ULK4: variants seen among roughly 807,000 people sequenced by gnomAD.
The protein encoded by ULK4 is unc-51 like kinase 4.
A neutral mutation model predicts 160.6 loss-of-function variants in ULK4; 133 were observed. The observed-to-expected ratio is 0.83, with a 90% CI of 0.72 to 0.96. ULK4 has a LOEUF of 0.96. Among genes scored for constraint, ULK4 ranks in the 40% least tolerant of loss-of-function variants. The probability of loss-of-function intolerance (pLI) is 0.00; values close to 1 mark genes in which losing one functional copy is unlikely to be tolerated. For synonymous variants in ULK4, 534 were observed against 539.8 expected (o/e 0.99, Z 0.15); for missense variants, 1,580 against 1,499.5 (o/e 1.05, Z -0.89).
intron 35 of ULK4, among the ~76,000 whole-genome samples, chr3:41,382,500 C>T (rs1217195067): frequency 6.6e-6 from 1 of 151,854 alleles, no homozygotes; most frequent in Non-Finnish European, 1.5e-5. Flanking sequence ...CATTATTTAC[C>T]ATAATTGTTA....
At chr3:41,282,354 C>G (rs2079373705) in intron 35 of ULK4, among the ~76,000 whole-genome samples, 1 of 152,126 alleles carries the variant, frequency 6.6e-6, no homozygotes, top group Non-Finnish European at 1.5e-5. Flanking sequence ...TAATTCTAAG[C>G]CAAAAGAACA....
intron 17 of ULK4, among the ~76,000 whole-genome samples, chr3:41,856,510 TAA>T (rs552860564): frequency 0.025 from 2,356 of 94,988 alleles, 49 homozygotes; most frequent in African/African-American, 0.056. Context: ...AATAAATAAA[TAA>T]ATATATATAT....
intron 2 of ULK4, among the ~76,000 whole-genome samples, chr3:41,940,437 T>C (rs1339740624): frequency 1.3e-5 from 2 of 152,082 alleles, no homozygotes; most frequent in Admixed American, 1.3e-4. Flanking sequence ...AAACCTCTGG[T>C]GTTTCAGTAA....
At chr3:41,747,214 G>C (rs576570544) in intron 22 of ULK4, among the ~76,000 whole-genome samples, 2 of 151,954 alleles carry the variant, frequency 1.3e-5, no homozygotes, top group East Asian at 3.9e-4. Context: ...AAGATGACAA[G>C]CTACACATGG....
chr3:41,427,647 GAAAC>G (rs2082807882), intron 34 of ULK4, among the ~76,000 whole-genome samples: 1 of 152,064 alleles, frequency 6.6e-6, no homozygotes, highest in South Asian at 2.1e-4. Context: ...ATTCATCACA[GAAAC>G]AAAACTAAAG....
chr3:41,710,340 A>T (rs1009565756), intron 25 of ULK4, among the ~76,000 whole-genome samples: 1 of 152,106 alleles, frequency 6.6e-6, no homozygotes, highest in African/African-American at 2.4e-5. Flanking sequence ...GGTAGTAGGC[A>T]TTGGAGATTC....
chr3:41,826,872 C>A lies in ULK4; in HGVS notation c.1765-7366G>T, dbSNP rs557003961. On this transcript the variant is annotated intron_variant, in intron 18 of 36. Coordinates refer to ENST00000301831, the MANE Select transcript of ULK4 (RefSeq NM_017886.4). Reference sequence around the variant, plus strand: ...AGAATATACATTTTTTTCAGCACCACAACACACCTATTCCAAAAGTGACCA... The same window carrying A: ...AGAATATACATTTTTTTCAGCACCAAAACACACCTATTCCAAAAGTGACCA... Among the ~76,000 whole-genome samples the A allele has an allele frequency of 2.8e-5, 4 of 143,230 alleles. No individual in the cohort carries two copies. The South Asian group carries it at 6.6e-4, about 24-fold the overall frequency. 94.0% of individuals were successfully genotyped at this position (143,230 alleles called of 152,430 possible).
chr3:41,633,425 T>C (rs1380307609), intron 30 of ULK4, among the ~76,000 whole-genome samples: 2 of 152,206 alleles, frequency 1.3e-5, no homozygotes, highest in African/African-American at 4.8e-5. Flanking sequence ...TTTTATGATA[T>C]AATGGCAGAG....
At chr3:41,506,768 ATATATATATATATAT>A (rs1468809213) in intron 32 of ULK4, among the ~76,000 whole-genome samples, 2 of 66,760 alleles carry the variant, frequency 3.0e-5, no homozygotes, top group African/African-American at 1.7e-4. Context: ...GTGATTTAAA[ATATATATATATATAT>A]ATATATATAT....
intron 32 of ULK4, among the ~76,000 whole-genome samples, chr3:41,520,444 G>C (rs1185444508): frequency 6.6e-6 from 1 of 152,054 alleles, no homozygotes; most frequent in African/African-American, 2.4e-5. Context: ...ACTACATGTG[G>C]CTTATCTTTT....
At chr3:41,584,101 T>C (rs977226939) in intron 31 of ULK4, among the ~76,000 whole-genome samples, 5 of 152,128 alleles carry the variant, frequency 3.3e-5, no homozygotes, top group Non-Finnish European at 1.5e-5. Context: ...GAGGACTTAA[T>C]GAGAAAAACC....
intron 17 of ULK4, among the ~76,000 whole-genome samples, chr3:41,866,438 A>G (rs1696884332): frequency 6.6e-6 from 1 of 152,210 alleles, no homozygotes; most frequent in African/African-American, 2.4e-5. Context: ...GTACTGCCTC[A>G]GATTATCAGG....
intron 35 of ULK4, among the ~76,000 whole-genome samples, chr3:41,387,288 T>G (rs1462292170): frequency 6.6e-6 from 1 of 152,160 alleles, no homozygotes; most frequent in African/African-American, 2.4e-5. Context: ...GAAACTATTT[T>G]ATTATTAACT....
At chr3:41,396,592 C>G (rs1278458374) in intron 35 of ULK4, among the ~76,000 whole-genome samples, 4 of 152,210 alleles carry the variant, frequency 2.6e-5, no homozygotes, top group East Asian at 3.9e-4. Flanking sequence ...GAGGCCTGCT[C>G]TGTTAAAAAG....
intron 21 of ULK4, among the ~76,000 whole-genome samples, chr3:41,762,477 T>C (rs1306724547): frequency 6.6e-6 from 1 of 152,114 alleles, no homozygotes; most frequent in Non-Finnish European, 1.5e-5. Context: ...CTCACACTGC[T>C]ATTAAGATAC....
At chr3:41,761,366 G>A (rs2125907076) in intron 21 of ULK4, among the ~76,000 whole-genome samples, 1 of 147,948 alleles carries the variant, frequency 6.8e-6, no homozygotes, top group South Asian at 2.1e-4. Flanking sequence ...TGTATTATAT[G>A]TATATACATA....
chr3:41,745,743 G>GA (rs1490974865), intron 22 of ULK4, among the ~76,000 whole-genome samples: 1 of 151,210 alleles, frequency 6.6e-6, no homozygotes, highest in Non-Finnish European at 1.5e-5. Flanking sequence ...GAACTTAAGG[G>GA]AAAAAATCCT....
At chr3:41,530,198 T>C (rs1051897029) in intron 32 of ULK4, among the ~76,000 whole-genome samples, 2 of 152,198 alleles carry the variant, frequency 1.3e-5, no homozygotes, top group Non-Finnish European at 2.9e-5. Context: ...GTGTAAAATA[T>C]TTTCTAATGA....
rs1254178701 is a variant in ULK4, at chr3:41,938,175, T to C, written c.161A>G (p.Lys54Arg). 1 of 1,613,310 alleles carries C rather than the reference T, an allele frequency of 6.2e-7. No homozygotes were observed. Among genetic ancestry groups the C allele is most frequent in the Middle Eastern group, 1.7e-4 (1 of 6,060 alleles). Residue 54 changes from lysine (K) to arginine (R), a missense_variant, in exon 3 of 37, where the codon AAA becomes AGA. By Grantham distance (26) the Lys-to-Arg change is conservative. Transcript: ENST00000301831. ...ATGAAAAGTTACAATATTCTTGTGT[T>C]TTATTTCACGGGTGAGACGGACCTA... Reference protein sequence around the residue: ...TNWVRLTREIKHKNIVTFHEW... With the variant: ...TNWVRLTREIRHKNIVTFHEW...
Sources: allele counts gnomAD v4.1 joint callset (sites outside exome capture counted in the v4.1 genomes callset), GRCh38; gene constraint gnomAD v4.1.1; transcripts MANE v1.5; gene names NCBI Gene and HGNC (gene_info 2026-07-23, HGNC 2026-07-21).